GALNT13: variants seen among roughly 807,000 people sequenced by gnomAD.
GALNT13 encodes the protein polypeptide N-acetylgalactosaminyltransferase 13.
In GALNT13, 28 loss-of-function variants were observed where a neutral mutation model predicts 64.2. The ratio of observed to expected loss-of-function variants is 0.44; its 90% CI spans 0.32 to 0.60. The LOEUF (loss-of-function observed/expected upper bound fraction) is 0.60, where lower values mean the gene tolerates loss of function less well. Ranked by LOEUF, GALNT13 falls within the 20% of genes least tolerant of loss-of-function variation. The pLI is 0.05. For missense variants in GALNT13, 577 were observed against 669.8 expected (o/e 0.86, Z 1.53); for synonymous variants, 214 against 224.6 (o/e 0.95, Z 0.42).
Position 153,991,509 on chromosome 2 carries a change from A to G in GALNT13, c.142+46870A>G, listed in dbSNP as rs1369622188. On this transcript the variant is annotated intron_variant, in intron 3 of 12. Coordinates refer to ENST00000392825, the MANE Select transcript of GALNT13 (RefSeq NM_052917.4). The stretch of plus-strand genomic sequence containing the variant: ...GTGTATGGGCAGGAGGATATACAAC[A>G]TGTCTTCTTTAGGGATTAGGCCTTG... Among the ~76,000 whole-genome samples the G allele has an allele frequency of 2.0e-5, 3 of 152,128 alleles. No homozygotes were observed. In the South Asian group the frequency reaches 6.2e-4, roughly 32 times the overall value.
the GALNT13 span, among the ~76,000 whole-genome samples, chr2:153,256,604 A>G: frequency 6.6e-6 from 1 of 151,906 alleles, no homozygotes; most frequent in Non-Finnish European, 1.5e-5. Flanking sequence ...GGTTTTATCT[A>G]CTTTTGGTCT....
intron 3 of GALNT13, among the ~76,000 whole-genome samples, chr2:153,951,281 A>G (rs1027936641): frequency 6.6e-6 from 1 of 152,156 alleles, no homozygotes; most frequent in African/African-American, 2.4e-5. Flanking sequence ...AAGCCACTGA[A>G]TGGACTTAAA....
the GALNT13 span, among the ~76,000 whole-genome samples, chr2:153,169,565 G>A: frequency 6.0e-3 from 910 of 152,238 alleles, 9 homozygotes; most frequent in African/African-American, 0.021. Context: ...TGTCTGATGG[G>A]AGTAGATTAG....
the GALNT13 span, among the ~76,000 whole-genome samples, chr2:153,803,428 T>C: frequency 1.8e-4 from 28 of 152,094 alleles, no homozygotes; most frequent in Middle Eastern, 3.4e-3. Flanking sequence ...CGCGGTGTCT[T>C]ATGCCTGTAA....
chr2:154,183,129 T>C lies in GALNT13; in HGVS notation c.311+42624T>C, dbSNP rs181786457. On this transcript the variant is annotated intron_variant, in intron 4 of 12. Coordinates refer to ENST00000392825, the MANE Select transcript of GALNT13 (RefSeq NM_052917.4). ...CATTGAATCTTCTTTAAATATTTGT[T>C]AGAATTCATCAGTTAAGCCATTAGC... is the stretch of plus-strand genomic sequence containing the variant. Among the ~76,000 whole-genome samples the C allele has an allele frequency of 8.6e-4, 131 of 152,328 alleles. 3 individuals carry two copies. In the East Asian group the frequency reaches 0.024, roughly 28 times the overall value.
the GALNT13 span, among the ~76,000 whole-genome samples, chr2:153,101,089 TTATG>T: frequency 6.6e-6 from 1 of 152,154 alleles, no homozygotes; most frequent in East Asian, 1.9e-4. Flanking sequence ...ATTATGTATG[TTATG>T]ATGTAAATAA....
At chr2:153,599,555 G>A in the GALNT13 span, among the ~76,000 whole-genome samples, 1 of 151,768 alleles carries the variant, frequency 6.6e-6, no homozygotes. Context: ...TTTAGTAGAT[G>A]GTAAGGCTGG....
chr2:154,103,817 G>A (rs368501145), intron 3 of GALNT13, among the ~76,000 whole-genome samples: 83 of 152,222 alleles, frequency 5.5e-4, no homozygotes, highest in South Asian at 1.2e-3. Flanking sequence ...TGTATTTGGC[G>A]TATGAACCCA....
At chr2:153,085,924 C>A in the GALNT13 span, among the ~76,000 whole-genome samples, 1 of 152,170 alleles carries the variant, frequency 6.6e-6, no homozygotes, top group African/African-American at 2.4e-5. Flanking sequence ...GGAGGCTGTG[C>A]CCTGCAAAGC....
intron 3 of GALNT13, among the ~76,000 whole-genome samples, chr2:154,113,576 A>G (rs1256475311): frequency 6.6e-6 from 1 of 152,172 alleles, no homozygotes; most frequent in African/African-American, 2.4e-5. Flanking sequence ...CCTAGAAATT[A>G]CTGAGGTAGA....
Position 154,184,507 on chromosome 2 carries a change from A to G in GALNT13, c.311+44002A>G, listed in dbSNP as rs1178400649. ...CTTCCTTTGTGATTTTTTTCTTTTCATAGTGATATACTTTGTTTCCTATTC... is the reference window on the plus strand; with the variant it reads ...CTTCCTTTGTGATTTTTTTCTTTTCGTAGTGATATACTTTGTTTCCTATTC... On this transcript the variant is annotated intron_variant, in intron 4 of 12. Coordinates refer to ENST00000392825, the MANE Select transcript of GALNT13 (RefSeq NM_052917.4). Among the ~76,000 whole-genome samples, 4 of 150,788 alleles carry G rather than the reference A, an allele frequency of 2.7e-5. No individual in the cohort carries two copies. The East Asian group carries it at 7.8e-4, about 29-fold the overall frequency.
the GALNT13 span, among the ~76,000 whole-genome samples, chr2:153,678,258 G>A: frequency 4.0e-5 from 6 of 151,500 alleles, no homozygotes; most frequent in Admixed American, 6.6e-5. Context: ...ATTCACAATA[G>A]CAAAGACATG....
At chr2:153,858,997 G>A in the GALNT13 span, among the ~76,000 whole-genome samples, 4 of 152,310 alleles carry the variant, frequency 2.6e-5, no homozygotes, top group African/African-American at 9.6e-5. Flanking sequence ...GCCTCCTAAA[G>A]TGCTGGGATT....
the GALNT13 span, among the ~76,000 whole-genome samples, chr2:153,609,949 A>G: frequency 0.24 from 37,213 of 151,998 alleles, 4,817 homozygotes; most frequent in South Asian, 0.42. Flanking sequence ...GGACCTTGGC[A>G]GCCTTCTTGG....
the GALNT13 span, among the ~76,000 whole-genome samples, chr2:153,411,171 A>G: frequency 2.2e-5 from 2 of 92,040 alleles, no homozygotes; most frequent in African/African-American, 7.3e-5. Flanking sequence ...GTATATATAT[A>G]TATATATATT....
chr2:153,944,898 T>G (rs1249725787), intron 3 of GALNT13, among the ~76,000 whole-genome samples: 1 of 152,178 alleles, frequency 6.6e-6, no homozygotes, highest in African/African-American at 2.4e-5. Context: ...TCTGTGACTG[T>G]ATGAAAAGAA....
At chr2:154,135,473 G>A (rs1280379429) in intron 3 of GALNT13, among the ~76,000 whole-genome samples, 1 of 152,150 alleles carries the variant, frequency 6.6e-6, no homozygotes, top group Non-Finnish European at 1.5e-5. Context: ...TGTCAGATGT[G>A]TCAGATTTAT....
At chr2:153,676,473 C>T in the GALNT13 span, among the ~76,000 whole-genome samples, 1 of 151,980 alleles carries the variant, frequency 6.6e-6, no homozygotes, top group Non-Finnish European at 1.5e-5. Flanking sequence ...GAAAGCATTC[C>T]AAAAAATTGA....
chr2:154,427,342 T>C (rs982748976), intron 11 of GALNT13, among the ~76,000 whole-genome samples: 6 of 152,206 alleles, frequency 3.9e-5, no homozygotes, highest in African/African-American at 1.4e-4. Flanking sequence ...CTACCTGCGG[T>C]ACAATGGCAG....
Sources: gnomAD v4.1 joint callset for allele counts (sites outside exome capture counted in the v4.1 genomes callset) on GRCh38, gnomAD v4.1.1 for gene constraint, MANE v1.5 for transcripts, NCBI Gene and HGNC (gene_info 2026-07-23, HGNC 2026-07-21) for gene names.